The following NUP210L variants were observed in gnomAD, a reference collection of about 807,000 sequenced individuals.
NUP210L encodes the protein nucleoporin 210 like, also known as nuclear pore membrane glycoprotein 210-like.
A neutral mutation model predicts 208.5 loss-of-function variants in NUP210L; 74 were observed. The observed-to-expected ratio is 0.35, with a 90% CI of 0.29 to 0.43. The LOEUF (loss-of-function observed/expected upper bound fraction) is 0.43, where lower values mean the gene tolerates loss of function less well. Ranked by LOEUF, NUP210L falls within the 20% of genes least tolerant of loss-of-function variation. The probability of loss-of-function intolerance (pLI) is 1.00; values close to 1 mark genes in which losing one functional copy is unlikely to be tolerated. For missense variants in NUP210L, 1,843 were observed against 2,289.4 expected (o/e 0.81, Z 3.98); for synonymous variants, 780 against 816.9 (o/e 0.95, Z 0.77).
chr1:154,113,048 T>G (rs1350518090), intron 12 of NUP210L, among the ~76,000 whole-genome samples: 1 of 151,168 alleles, frequency 6.6e-6, no homozygotes, highest in Non-Finnish European at 1.5e-5. Context: ...TCTCAGCTAC[T>G]TGGGAGGCTG....
intron 15 of NUP210L, among the ~76,000 whole-genome samples, chr1:154,094,491 C>A (rs1030566485): frequency 4.6e-5 from 7 of 152,076 alleles, no homozygotes; most frequent in African/African-American, 1.2e-4. Context: ...AAAAATAATT[C>A]AACTGATAGA....
At chr1:154,063,240 G>A (rs148620094) in intron 17 of NUP210L, among the ~76,000 whole-genome samples, 1 of 152,162 alleles carries the variant, frequency 6.6e-6, no homozygotes, top group Non-Finnish European at 1.5e-5. Flanking sequence ...TTTAGACCGG[G>A]AATATAGAGG....
chr1:154,083,301 C>T (rs1018730259), intron 16 of NUP210L, among the ~76,000 whole-genome samples: 13 of 152,084 alleles, frequency 8.5e-5, no homozygotes, highest in Non-Finnish European at 1.8e-4. Context: ...AGACACAAAG[C>T]GCTGATTGGT....
intron 37 of NUP210L, among the ~76,000 whole-genome samples, chr1:153,997,154 G>A (rs1276658999): frequency 6.6e-6 from 1 of 151,734 alleles, no homozygotes; most frequent in African/African-American, 2.4e-5. Flanking sequence ...AGTAGAGATG[G>A]GTTTTCACCA....
At chr1:154,011,638 C>A (rs1192809109) in intron 34 of NUP210L, among the ~76,000 whole-genome samples, 1 of 147,348 alleles carries the variant, frequency 6.8e-6, no homozygotes, top group African/African-American at 2.5e-5. Flanking sequence ...ATTGGGATTA[C>A]AGGCATGAGC....
chr1:154,117,716 G>T lies in NUP210L; in HGVS notation c.1620+9C>A. The T allele has an allele frequency of 1.2e-6, 2 of 1,606,264 alleles. No individual in the cohort carries two copies. Among genetic ancestry groups the T allele is most frequent in the Non-Finnish European group, 1.7e-6 (2 of 1,174,286 alleles). Reference sequence around the variant, plus strand: ...TAGGGGTAATAAGAATATCTGGAGAGTCGTTTACCTTAATTTCTCCATATC... The same window carrying T: ...TAGGGGTAATAAGAATATCTGGAGATTCGTTTACCTTAATTTCTCCATATC... On this transcript the variant is annotated intron_variant, in intron 12 of 39. Coordinates refer to ENST00000368559, the Ensembl canonical transcript of NUP210L.
At chr1:154,069,056 T>G (rs979608124) in intron 17 of NUP210L, among the ~76,000 whole-genome samples, 1 of 152,246 alleles carries the variant, frequency 6.6e-6, no homozygotes, top group Admixed American at 6.5e-5. Context: ...TAAGATGGAT[T>G]AAAGACTTAA....
rs1037600477 is a variant in NUP210L at position 154,049,372 on chromosome 1, T to C, written c.3484-3003A>G. Among the ~76,000 whole-genome samples the C allele has an allele frequency of 2.6e-5, 4 of 152,118 alleles. 1 individual carries two copies. The highest frequency in any genetic ancestry group is 5.9e-5 in the Non-Finnish European group (4 of 68,018). On this transcript the variant is annotated intron_variant, in intron 25 of 39. Coordinates refer to ENST00000368559, the Ensembl canonical transcript of NUP210L. Reference sequence around the variant, plus strand: ...CATATGATGCATGAAATAGGGTACGTCCCTAGTATGGGACTAGAAAAATAC... The same window carrying C: ...CATATGATGCATGAAATAGGGTACGCCCCTAGTATGGGACTAGAAAAATAC...
intron 21 of NUP210L, 97 bp from the exon 22 acceptor site, chr1:154,058,313 C>A: frequency 7.6e-7 from 1 of 1,307,914 alleles, no homozygotes; most frequent in Non-Finnish European, 1.1e-6. Flanking sequence ...TTCTTTCATG[C>A]TAAATGATCC....
At chr1:154,073,818 A>C (rs1329654010) in intron 16 of NUP210L, among the ~76,000 whole-genome samples, 1 of 51,782 alleles carries the variant, frequency 1.9e-5, no homozygotes, top group African/African-American at 5.2e-5. Flanking sequence ...CTGTCTCAAT[A>C]AATAAATAAA....
chr1:154,116,897 C>T (rs1490105158), intron 12 of NUP210L, among the ~76,000 whole-genome samples: 5 of 151,932 alleles, frequency 3.3e-5, no homozygotes, highest in African/African-American at 4.8e-5. Context: ...AAAAAGTTAA[C>T]GTTAATTAAA....
chr1:154,082,835 C>T (rs1245998189), intron 16 of NUP210L, among the ~76,000 whole-genome samples: 1 of 151,960 alleles, frequency 6.6e-6, no homozygotes, highest in Non-Finnish European at 1.5e-5. Context: ...TTAAAGGTGG[C>T]ACGTCTGGAC....
intron 7 of NUP210L, among the ~76,000 whole-genome samples, chr1:154,130,576 A>ATTTTTTT (rs765115829): frequency 2.0e-5 from 2 of 98,942 alleles, no homozygotes; most frequent in Non-Finnish European, 2.0e-5. Flanking sequence ...CCTGGCCCCA[A>ATTTTTTT]TTTTTTTTTT....
At chr1:154,062,781 T>C (rs1448187793) in intron 17 of NUP210L, among the ~76,000 whole-genome samples, 1 of 151,924 alleles carries the variant, frequency 6.6e-6, no homozygotes, top group Non-Finnish European at 1.5e-5. Context: ...GGTCTTGCTA[T>C]GTTAACCAGG....
At chr1:154,155,065 T>C (rs754581438) in exon 1 of NUP210L, 3 of 1,568,906 alleles carry the variant, frequency 1.9e-6, no homozygotes, top group Non-Finnish European at 2.6e-6. Context: ...AGGTCTCGGG[T>C]TCCCGCTCAA....
At chr1:154,012,124 A>T in intron 34 of NUP210L, 120 bp downstream of exon 34, 1 of 966,338 alleles carries the variant, frequency 1.0e-6, no homozygotes, top group South Asian at 1.6e-5. Context: ...TTTATTTGTC[A>T]AGATGGAGTC....
intron 16 of NUP210L, among the ~76,000 whole-genome samples, chr1:154,085,362 TAAATA>T (rs1435261777): frequency 6.7e-6 from 1 of 150,098 alleles, no homozygotes; most frequent in Middle Eastern, 3.4e-3. Context: ...AAAAAATAAA[TAAATA>T]AAATAAAATA....
intron 6 of NUP210L, 27 bp from the exon 7 acceptor site, chr1:154,135,999 G>A (rs2148134001): frequency 6.6e-7 from 1 of 1,511,962 alleles, no homozygotes; most frequent in Non-Finnish European, 9.2e-7. Flanking sequence ...ATACATAAAT[G>A]TAATGACAGC....
At chr1:154,034,838 T>C (rs1289211208) in intron 27 of NUP210L, among the ~76,000 whole-genome samples, 1 of 146,032 alleles carries the variant, frequency 6.8e-6, no homozygotes, top group East Asian at 2.0e-4. Context: ...TCTCTCTCTC[T>C]CTCTCTTTTT....
Sources: gnomAD v4.1 joint callset for allele counts (sites outside exome capture counted in the v4.1 genomes callset) on GRCh38, gnomAD v4.1.1 for gene constraint, MANE v1.5 for transcripts, NCBI Gene and HGNC (gene_info 2026-07-23, HGNC 2026-07-21) for gene names.